Variants in RASGRF1 observed in about 807,000 individuals in gnomAD.
RASGRF1 encodes the protein ras-specific guanine nucleotide-releasing factor 1.
Under a neutral mutation model 138.7 loss-of-function variants are expected in RASGRF1, and 40 were observed. That is an observed-to-expected ratio of 0.29 (90% CI 0.22 to 0.38). The LOEUF (loss-of-function observed/expected upper bound fraction) is 0.38, where lower values mean the gene tolerates loss of function less well. Ranked by LOEUF, RASGRF1 falls within the 10% of genes least tolerant of loss-of-function variation. The pLI is 1.00. For synonymous variants in RASGRF1, 614 were observed against 663.2 expected (o/e 0.93, Z 1.14); for missense variants, 1,108 against 1,650.4 (o/e 0.67, Z 5.69).
chr15:78,978,566 G>A, intron 24 of RASGRF1: 1 of 987,196 alleles, frequency 1.0e-6, no homozygotes, highest in Non-Finnish European at 1.2e-6. Context: ...AAGATGCCTG[G>A]GACGTATGAA....
chr15:79,054,069 G>A (rs564245996), intron 3 of RASGRF1, among the ~76,000 whole-genome samples: 55 of 152,344 alleles, frequency 3.6e-4, no homozygotes, highest in Admixed American at 2.4e-3. Flanking sequence ...CCCAGCTAGC[G>A]AAATTCTTGA....
chr15:79,085,057 T>A (rs758275084), intron 1 of RASGRF1, among the ~76,000 whole-genome samples: 3 of 152,222 alleles, frequency 2.0e-5, no homozygotes, highest in Non-Finnish European at 4.4e-5. Flanking sequence ...CCTGCTCTCC[T>A]GGTGCTTACA....
chr15:79,045,206 A>G (rs1320288916), intron 5 of RASGRF1, among the ~76,000 whole-genome samples: 1 of 152,170 alleles, frequency 6.6e-6, no homozygotes, highest in Non-Finnish European at 1.5e-5. Flanking sequence ...AGCACCTGCA[A>G]GCTTGTTGGA....
chr15:79,048,532 G>T (rs1433022126), intron 4 of RASGRF1, among the ~76,000 whole-genome samples: 1 of 152,204 alleles, frequency 6.6e-6, no homozygotes, highest in East Asian at 1.9e-4. Flanking sequence ...AGTGAGGATA[G>T]AATTAATCTG....
At chr15:79,010,882 C>G (rs1312181571) in intron 13 of RASGRF1, among the ~76,000 whole-genome samples, 1 of 152,192 alleles carries the variant, frequency 6.6e-6, no homozygotes, top group Non-Finnish European at 1.5e-5. Flanking sequence ...CACAGAGCTG[C>G]TGCGGGAAGG....
At chr15:79,003,524 C>T (rs373048029) in intron 15 of RASGRF1, among the ~76,000 whole-genome samples, 15 of 152,350 alleles carry the variant, frequency 9.8e-5, no homozygotes, top group African/African-American at 3.4e-4. Flanking sequence ...CAGAGGGATG[C>T]CTAAATTGCT....
chr15:78,998,274 C>T, intron 18 of RASGRF1, 66 bp from the exon 19 acceptor site: 1 of 1,351,594 alleles, frequency 7.4e-7, no homozygotes, highest in Non-Finnish European at 1.1e-6. Flanking sequence ...TGGTCTGGGC[C>T]CAGGCCAGAG....
chr15:79,055,553 T>C (rs1039473504), intron 3 of RASGRF1, among the ~76,000 whole-genome samples: 5 of 151,076 alleles, frequency 3.3e-5, no homozygotes, highest in African/African-American at 1.2e-4. Context: ...ATCAAATGGG[T>C]CTCTGCTGCC....
chr15:78,995,552 G>A (rs911799398), intron 20 of RASGRF1, among the ~76,000 whole-genome samples, 188 bp downstream of exon 20: 1 of 152,176 alleles, frequency 6.6e-6, no homozygotes, highest in Non-Finnish European at 1.5e-5. Flanking sequence ...GCCTCCCAAA[G>A]TGCTGGGATT....
chr15:79,071,066 G>A (rs910604894), intron 1 of RASGRF1, among the ~76,000 whole-genome samples: 4 of 152,226 alleles, frequency 2.6e-5, no homozygotes, highest in Non-Finnish European at 5.9e-5. Context: ...CTGGGCTGCC[G>A]ATGCTCATGC....
intron 26 of RASGRF1, among the ~76,000 whole-genome samples, chr15:78,963,720 T>G (rs2055590623): frequency 6.6e-6 from 1 of 152,242 alleles, no homozygotes; most frequent in African/African-American, 2.4e-5. Flanking sequence ...GGCTGTCTGC[T>G]ATGCTGATTA....
chr15:79,053,847 G>C (rs553293928), intron 3 of RASGRF1, among the ~76,000 whole-genome samples: 1 of 152,314 alleles, frequency 6.6e-6, no homozygotes, highest in African/African-American at 2.4e-5. Flanking sequence ...TGCAGTTGCT[G>C]TCTCGAAGTT....
chr15:79,042,982 C>G (rs2057315614), intron 5 of RASGRF1, among the ~76,000 whole-genome samples: 2 of 152,300 alleles, frequency 1.3e-5, no homozygotes, highest in South Asian at 4.1e-4. Context: ...GATCTGGAGG[C>G]AGTCATGTTC....
intron 2 of RASGRF1, among the ~76,000 whole-genome samples, chr15:79,061,087 GTATGCA>G (rs1466237074): frequency 6.6e-6 from 1 of 152,192 alleles, no homozygotes; most frequent in Non-Finnish European, 1.5e-5. Context: ...GTGGCAAGGA[GTATGCA>G]GCCTCTAGGA....
At chr15:79,049,412 G>A (rs1282764006) in intron 4 of RASGRF1, 84 bp downstream of exon 4, 1 of 1,275,516 alleles carries the variant, frequency 7.8e-7, no homozygotes, top group Non-Finnish European at 1.1e-6. Context: ...GGACAGTGGG[G>A]CTGTGGTGTG....
Position 79,090,750 on chromosome 15 carries a change from C to A in RASGRF1, c.-252G>T, listed in dbSNP as rs1371879514. 3.7e-6 allele frequency: 2 copies of A among 535,286 alleles called. No homozygotes were observed. The highest frequency in any genetic ancestry group is 3.2e-6 in the Non-Finnish European group (1 of 310,912). The allele number at this position is 535,286 out of a possible 1,614,324, so 33.2% of individuals were successfully genotyped here. ...CAGTACCCGGAAGATGCCGCCCGAC[C>A]CTCCTCCGGTGCCGGGCAAACTGAG... is the stretch of plus-strand genomic sequence containing the variant. On this transcript the variant is annotated 5_prime_UTR_variant, in exon 1 of 27. Transcript: ENST00000558480.
At chr15:78,963,394 C>T (rs538038553) in intron 26 of RASGRF1, among the ~76,000 whole-genome samples, 244 of 152,162 alleles carry the variant, frequency 1.6e-3, no homozygotes, top group Non-Finnish European at 2.9e-3. Flanking sequence ...CTCTGCCTCC[C>T]GGGTTCAAGC....
rs146729439 is a variant in RASGRF1 at position 79,032,231 on chromosome 15, G to A, written c.1044C>T (p.Ala348=). The change falls in exon 7 of 27, where the codon GCC becomes GCT. Residue 348 remains alanine (A), a synonymous_variant. Coordinates refer to ENST00000558480, the MANE Select transcript of RASGRF1 (RefSeq NM_001145648.3). This position sits in a 1 kb window ranked among gnomAD's most constrained non-coding sequence, Gnocchi z 4.5. ...CGAAGTCACGGTTCTGCTTGCAGTG[G>A]GCCAGGATCTGCAGGCTGTACTGGT... is the stretch of plus-strand genomic sequence containing the variant. ...RNHQYSLQIL[A]HCKQNRDFDK... 3.4e-4 allele frequency: 556 copies of A among 1,614,088 alleles called. 3 individuals carry two copies. The African/African-American group carries it at 3.9e-3, about 11-fold the overall frequency.
At chr15:79,024,870 C>A (rs1174719279) in intron 10 of RASGRF1, among the ~76,000 whole-genome samples, 2 of 150,616 alleles carry the variant, frequency 1.3e-5, no homozygotes, top group Non-Finnish European at 2.9e-5. Context: ...CATACAGACA[C>A]ACACACATAT....
Sources: allele counts gnomAD v4.1 joint callset (sites outside exome capture counted in the v4.1 genomes callset), GRCh38; gene constraint gnomAD v4.1.1; non-coding constraint Gnocchi (gnomAD v3.1); transcripts MANE v1.5; gene names NCBI Gene and HGNC (gene_info 2026-07-23, HGNC 2026-07-21).